The following DIAPH2 variants were observed in gnomAD, a reference collection of about 807,000 sequenced individuals.
DIAPH2 encodes diaphanous related formin 2.
A neutral mutation model predicts 92.7 loss-of-function variants in DIAPH2; 35 were observed. The observed-to-expected ratio is 0.38, with a 90% CI of 0.29 to 0.50. DIAPH2 has a LOEUF of 0.50. Among genes scored for constraint, DIAPH2 ranks in the 20% least tolerant of loss-of-function variants. DIAPH2 has a pLI of 0.94. For missense variants in DIAPH2, 701 were observed against 819.5 expected (o/e 0.86, Z 1.77); for synonymous variants, 301 against 280.4 (o/e 1.07, Z -0.73).
At chrX:97,153,851 G>A (rs886858788) in intron 22 of DIAPH2, among the ~76,000 whole-genome samples, 6 of 110,853 alleles carry the variant, frequency 5.4e-5, no homozygotes, top group Non-Finnish European at 1.1e-4. Flanking sequence ...ATCCTATTTT[G>A]TTAGGATATC....
intron 4 of DIAPH2, among the ~76,000 whole-genome samples, chrX:96,869,608 A>T (rs1246556787): frequency 9.5e-6 from 1 of 105,739 alleles, no homozygotes; most frequent in Non-Finnish European, 1.9e-5. Flanking sequence ...CTAGTCTCCT[A>T]CCTAAGGTAA....
intron 26 of DIAPH2, among the ~76,000 whole-genome samples, chrX:97,555,747 A>T (rs1406986080): frequency 8.9e-6 from 1 of 112,056 alleles, no homozygotes; most frequent in Non-Finnish European, 1.9e-5. Flanking sequence ...GTTATAGATG[A>T]TTGTCATGGT....
At position 96,867,485 on chromosome X, in the gene DIAPH2, G is replaced by T. The variant is rs868607452; in HGVS notation, c.448-14094G>T. Among the ~76,000 whole-genome samples, 6 of 111,564 alleles carry T rather than the reference G, an allele frequency of 5.4e-5. No homozygotes were observed. The Admixed American group carries it at 5.7e-4, about 11-fold the overall frequency. ...TCTGCCCGCCTCGGCCTCCCAAAGTGTTGAGATTACAAGCGTGAGCCACCG... is the reference window on the plus strand; with the variant it reads ...TCTGCCCGCCTCGGCCTCCCAAAGTTTTGAGATTACAAGCGTGAGCCACCG... On this transcript the variant is annotated intron_variant, in intron 4 of 26. Coordinates refer to ENST00000324765, the MANE Select transcript of DIAPH2 (RefSeq NM_006729.5).
At chrX:97,137,373 C>T (rs868112939) in intron 21 of DIAPH2, among the ~76,000 whole-genome samples, 2 of 99,906 alleles carry the variant, frequency 2.0e-5, no homozygotes, top group Admixed American at 1.1e-4. Flanking sequence ...AATCTGCATT[C>T]GGAAACATTT....
chrX:96,794,472 G>A (rs900649025), intron 4 of DIAPH2, among the ~76,000 whole-genome samples: 30 of 106,919 alleles, frequency 2.8e-4, no homozygotes, highest in African/African-American at 9.6e-4. Context: ...TTTCAACTCC[G>A]CTAGGAACAT....
At chrX:97,115,128 A>T (rs780414856) in intron 21 of DIAPH2, among the ~76,000 whole-genome samples, 163 bp downstream of exon 21, 3 of 112,589 alleles carry the variant, frequency 2.7e-5, no homozygotes, top group Non-Finnish European at 3.8e-5. Flanking sequence ...ATAATTTTTT[A>T]AAATTTTAGT....
At chrX:97,042,282 C>A (rs2147887304) in intron 17 of DIAPH2, among the ~76,000 whole-genome samples, 1 of 111,743 alleles carries the variant, frequency 8.9e-6, no homozygotes, top group East Asian at 2.8e-4. Flanking sequence ...CCTTTCATGG[C>A]TAATGGCTGT....
intron 10 of DIAPH2, among the ~76,000 whole-genome samples, chrX:96,933,753 G>A (rs867237935): frequency 3.0e-5 from 3 of 100,304 alleles, no homozygotes; most frequent in South Asian, 5.0e-4. Flanking sequence ...ACAGGTGCGC[G>A]CCATCATGCC....
chrX:96,912,769 C>T (rs1205895686), intron 7 of DIAPH2, among the ~76,000 whole-genome samples: 1 of 110,675 alleles, frequency 9.0e-6, no homozygotes, highest in Admixed American at 9.7e-5. Flanking sequence ...TCATCATCTT[C>T]CCCACCCCGT....
intron 17 of DIAPH2, among the ~76,000 whole-genome samples, chrX:97,040,307 G>A (rs576565215): frequency 9.1e-5 from 10 of 109,543 alleles, no homozygotes; most frequent in African/African-American, 3.3e-4. Context: ...GTTTTGCCTA[G>A]CCATCATTTC....
intron 24 of DIAPH2, among the ~76,000 whole-genome samples, chrX:97,359,996 G>C (rs2069309020): frequency 9.0e-6 from 1 of 111,499 alleles, no homozygotes; most frequent in Non-Finnish European, 1.9e-5. Flanking sequence ...ATGGGGTATT[G>C]GGCAAACCAG....
chrX:97,184,094 T>A (rs1238514552), intron 22 of DIAPH2, among the ~76,000 whole-genome samples: 1 of 112,254 alleles, frequency 8.9e-6, no homozygotes, highest in Admixed American at 9.5e-5. Flanking sequence ...TTGGAGTAAA[T>A]CATACTTACA....
chrX:96,742,311 T>C (rs2064124761), intron 3 of DIAPH2, among the ~76,000 whole-genome samples: 1 of 111,904 alleles, frequency 8.9e-6, no homozygotes, highest in Admixed American at 9.5e-5. Context: ...AGTTGAAGTC[T>C]CAGCTGGACC....
chrX:96,965,274 A>G, intron 17 of DIAPH2, 67 bp downstream of exon 17: 3 of 789,840 alleles, frequency 3.8e-6, no homozygotes, highest in Non-Finnish European at 5.2e-6. Context: ...CTTTGCTAAA[A>G]ATTTCTAGTA....
chrX:97,460,274 C>T (rs924787835), intron 26 of DIAPH2, among the ~76,000 whole-genome samples: 12 of 111,797 alleles, frequency 1.1e-4, no homozygotes, highest in African/African-American at 3.3e-4. Flanking sequence ...TCTCCAGGGA[C>T]CCCCTCCCAC....
rs766122441 is a variant in DIAPH2 at position 96,866,551 on chromosome X, C to T, written c.448-15028C>T. The stretch of plus-strand genomic sequence containing the variant: ...GTTTAAAGGAATATAGAATTGGCAG[C>T]AGAGCCCACTAACTGATGTCAGATT... On this transcript the variant is annotated intron_variant, in intron 4 of 26. Transcript: ENST00000324765. 3.6e-5 allele frequency among the ~76,000 whole-genome samples: 4 copies of T among 111,513 alleles called. No homozygotes were observed. In the South Asian group the frequency reaches 1.5e-3, roughly 42 times the overall value.
intron 19 of DIAPH2, among the ~76,000 whole-genome samples, chrX:97,095,110 T>C (rs1000864876): frequency 2.3e-4 from 13 of 56,367 alleles, no homozygotes; most frequent in African/African-American, 7.9e-4. Context: ...TTTTTTTTTT[T>C]TTTTTTTTTT....
chrX:96,881,722 A>G lies in DIAPH2; in HGVS notation c.587+4A>G, dbSNP rs932274799. ...CTTTAACCAGCAATCCGGTCAGGTA[A>G]GTCGTTCTTATCATTTCGGTATGAT... On this transcript the variant is annotated splice_donor_region_variant and intron_variant, in intron 5 of 26. Transcript: ENST00000324765. 8.3e-7 allele frequency: 1 copy of G among 1,205,100 alleles called. No homozygotes were observed. Among genetic ancestry groups the G allele is most frequent in the South Asian group, 1.8e-5 (1 of 55,442 alleles).
In DIAPH2 at chrX:96,779,331, T is replaced by C. The variant is rs761382499; in HGVS notation, c.447+21073T>C. Among the ~76,000 whole-genome samples, 8 of 112,115 alleles carry C rather than the reference T, an allele frequency of 7.1e-5. No individual in the cohort carries two copies. The East Asian group carries it at 2.2e-3, about 31-fold the overall frequency. On this transcript the variant is annotated intron_variant, in intron 4 of 26. Transcript: ENST00000324765. The stretch of plus-strand genomic sequence containing the variant: ...GAAAATAACACATAAAATAAAGAAA[T>C]CAAACAATTAACATCTGTTGGTTTT...
Sources: allele counts gnomAD v4.1 joint callset (sites outside exome capture counted in the v4.1 genomes callset), GRCh38; gene constraint gnomAD v4.1.1; transcripts MANE v1.5; gene names NCBI Gene and HGNC (gene_info 2026-07-23, HGNC 2026-07-21).